SLIT3: variants seen among roughly 807,000 people sequenced by gnomAD.
SLIT3 encodes slit guidance ligand 3, also known as slit homolog 3 protein.
A neutral mutation model predicts 184.0 loss-of-function variants in SLIT3; 68 were observed. That is an observed-to-expected ratio of 0.37 (90% confidence interval 0.30 to 0.45). The LOEUF (loss-of-function observed/expected upper bound fraction) is 0.45, where lower values mean the gene tolerates loss of function less well. Among genes scored for constraint, SLIT3 ranks in the 20% least tolerant of loss-of-function variants. SLIT3 has a pLI of 1.00. For synonymous variants in SLIT3, 831 were observed against 828.6 expected (o/e 1.00, Z -0.05); for missense variants, 1,707 against 2,026.0 (o/e 0.84, Z 3.02).
At chr5:169,067,139 G>A (rs762986759) in intron 4 of SLIT3, among the ~76,000 whole-genome samples, 1 of 152,164 alleles carries the variant, frequency 6.6e-6, no homozygotes, top group Non-Finnish European at 1.5e-5. Context: ...GCCGGGTACA[G>A]TGGCTCATGT....
At chr5:168,895,109 C>T (rs1406343889) in intron 4 of SLIT3, among the ~76,000 whole-genome samples, 1 of 152,214 alleles carries the variant, frequency 6.6e-6, no homozygotes, top group Non-Finnish European at 1.5e-5. Context: ...TAAGGCACTG[C>T]AGTTTGGGAG....
At chr5:169,150,223 T>A (rs969882176) in intron 4 of SLIT3, among the ~76,000 whole-genome samples, 1 of 152,154 alleles carries the variant, frequency 6.6e-6, no homozygotes, top group Non-Finnish European at 1.5e-5. Flanking sequence ...ACCCCTAATA[T>A]CCTGTTGTAG....
chr5:168,994,722 T>C (rs1430507481), intron 4 of SLIT3, among the ~76,000 whole-genome samples: 2 of 131,562 alleles, frequency 1.5e-5, no homozygotes, highest in Non-Finnish European at 3.1e-5. Context: ...CTCAGCTCAC[T>C]GCAACCTCCA....
chr5:169,224,003 C>T (rs924105351), intron 3 of SLIT3, among the ~76,000 whole-genome samples: 8 of 152,142 alleles, frequency 5.3e-5, no homozygotes, highest in Admixed American at 3.9e-4. Context: ...AATCATATCT[C>T]GTCTTTTACT....
chr5:169,192,291 G>A (rs1364168471), intron 4 of SLIT3, among the ~76,000 whole-genome samples: 4 of 152,166 alleles, frequency 2.6e-5, no homozygotes, highest in African/African-American at 9.7e-5. Context: ...ACAGCAAGAG[G>A]AGACCTGACA....
chr5:168,930,604 T>C (rs1052395535), intron 4 of SLIT3, among the ~76,000 whole-genome samples: 1 of 152,098 alleles, frequency 6.6e-6, no homozygotes, highest in Non-Finnish European at 1.5e-5. Flanking sequence ...GTTTAGTGTC[T>C]GGCACATAAT....
chr5:168,893,251 C>T (rs760242137), intron 4 of SLIT3, among the ~76,000 whole-genome samples: 1 of 152,106 alleles, frequency 6.6e-6, no homozygotes, highest in Non-Finnish European at 1.5e-5. Context: ...TGGAGACTGG[C>T]GTTTTGTTTA....
At chr5:168,884,330 A>T (rs1760087078) in intron 4 of SLIT3, among the ~76,000 whole-genome samples, 1 of 150,650 alleles carries the variant, frequency 6.6e-6, no homozygotes, top group Non-Finnish European at 1.5e-5. Context: ...CTCTCTGAGG[A>T]CTATGGCGTG....
chr5:169,040,896 C>G (rs1757428399), intron 4 of SLIT3, among the ~76,000 whole-genome samples: 1 of 152,256 alleles, frequency 6.6e-6, no homozygotes, highest in Non-Finnish European at 1.5e-5. Context: ...CTCATTTCTC[C>G]TACTCCCCAC....
At chr5:168,933,783 A>G (rs181377737) in intron 4 of SLIT3, among the ~76,000 whole-genome samples, 1 of 152,170 alleles carries the variant, frequency 6.6e-6, no homozygotes, top group East Asian at 1.9e-4. Context: ...CCAATGGGAG[A>G]GTTTGGATTT....
At position 168,684,104 on chromosome 5, in the gene SLIT3, A is replaced by G. The variant is rs751412663; in HGVS notation, c.3556-8T>C. 6.3e-7 allele frequency: 1 copy of G among 1,583,296 alleles called. No individual in the cohort carries two copies. The highest frequency in any genetic ancestry group is 8.6e-7 in the Non-Finnish European group (1 of 1,162,944). ...GTCCTTGTCAGTGGCCACCTGGAGA[A>G]AGCAGCCGGGGCGTGTTAGTAAGGG... On this transcript the variant is annotated splice_region_variant and splice_polypyrimidine_tract_variant and intron_variant, in intron 31 of 35. Transcript: ENST00000519560.
chr5:169,002,394 A>G (rs1355543694), intron 4 of SLIT3, among the ~76,000 whole-genome samples: 1 of 148,938 alleles, frequency 6.7e-6, no homozygotes, highest in Non-Finnish European at 1.5e-5. Context: ...ATGAGTACAG[A>G]TGGGGCAGAT....
Position 169,167,259 on chromosome 5 carries a change from T to C in SLIT3, c.413+26220A>G, listed in dbSNP as rs1954464964. ...AATGACTTCTTGGTTCCAGGCCCTGTTCTAAGCACTTTTTTTTTTTTTTTT... is the reference window on the plus strand; with the variant it reads ...AATGACTTCTTGGTTCCAGGCCCTGCTCTAAGCACTTTTTTTTTTTTTTTT... On this transcript the variant is annotated intron_variant, in intron 4 of 35. Coordinates refer to ENST00000519560, the MANE Select transcript of SLIT3 (RefSeq NM_003062.4). Among the ~76,000 whole-genome samples, 2 of 150,864 alleles carry C rather than the reference T, an allele frequency of 1.3e-5. 1 individual carries two copies. The highest frequency in any genetic ancestry group is 4.9e-5 in the African/African-American group (2 of 41,192).
At chr5:169,150,425 T>C (rs1273118665) in intron 4 of SLIT3, among the ~76,000 whole-genome samples, 1 of 151,984 alleles carries the variant, frequency 6.6e-6, no homozygotes, top group Non-Finnish European at 1.5e-5. Context: ...CACTTGGGCC[T>C]AAACAAAGGT....
At chr5:169,262,862 G>C (rs146050887) in intron 1 of SLIT3, among the ~76,000 whole-genome samples, 1 of 152,112 alleles carries the variant, frequency 6.6e-6, no homozygotes, top group Non-Finnish European at 1.5e-5. Context: ...AAAGTCCTGC[G>C]TCCATTTAAA....
intron 9 of SLIT3, among the ~76,000 whole-genome samples, chr5:168,798,715 T>G (rs907356169): frequency 1.3e-5 from 2 of 151,790 alleles, no homozygotes; most frequent in African/African-American, 4.8e-5. Flanking sequence ...CAATGTAAAG[T>G]AAAGGAAAGG....
intron 4 of SLIT3, among the ~76,000 whole-genome samples, chr5:169,179,235 T>G (rs1361701735): frequency 6.6e-6 from 1 of 151,588 alleles, no homozygotes; most frequent in African/African-American, 2.4e-5. Context: ...TTTGGAAGTT[T>G]AGGTCAATGT....
intron 23 of SLIT3, among the ~76,000 whole-genome samples, chr5:168,715,102 C>A (rs1762677449): frequency 6.6e-6 from 1 of 152,288 alleles, no homozygotes; most frequent in Middle Eastern, 3.4e-3. Flanking sequence ...CCCAGGTGAT[C>A]TGGGGGTTAA....
At chr5:169,049,123 C>T (rs376205595) in intron 4 of SLIT3, among the ~76,000 whole-genome samples, 29 of 152,184 alleles carry the variant, frequency 1.9e-4, no homozygotes, top group Non-Finnish European at 4.4e-5. Context: ...TAGTCAAGAC[C>T]TATGTCACAT....
Sources: gnomAD v4.1 joint callset for allele counts (sites outside exome capture counted in the v4.1 genomes callset) on GRCh38, gnomAD v4.1.1 for gene constraint, MANE v1.5 for transcripts, NCBI Gene and HGNC (gene_info 2026-07-23, HGNC 2026-07-21) for gene names.